TMEM218: variants seen among roughly 807,000 people sequenced by gnomAD.
The protein encoded by TMEM218 is transmembrane protein 218.
TMEM218 carries 8 observed loss-of-function variants against 10.0 expected under a neutral mutation model. The ratio of observed to expected loss-of-function variants is 0.80; its 90% confidence interval spans 0.47 to 1.44. The LOEUF (loss-of-function observed/expected upper bound fraction) is 1.44. TMEM218 is among the 40% of genes most tolerant of loss of function. The pLI is 0.00. For missense variants in TMEM218, 110 were observed against 140.1 expected (o/e 0.79, Z 1.08); for synonymous variants, 66 against 63.5 (o/e 1.04, Z -0.18).
Position 125,095,876 on chromosome 11 carries a change from A to G in TMEM218, c.*1730T>C, listed in dbSNP as rs536809523. On this transcript the variant is annotated 3_prime_UTR_variant, in exon 5 of 5. Coordinates refer to ENST00000682305, the MANE Select transcript of TMEM218 (RefSeq NM_001258244.2). ...GTCAGGAACCTATAAGAGTTTTCCC[A>G]GAGTTACTTTTTTAGCAAGGCTCTC... Among the ~76,000 whole-genome samples, 9 of 152,288 alleles carry G rather than the reference A, an allele frequency of 5.9e-5. No homozygotes were observed. Among genetic ancestry groups the G allele is most frequent in the Admixed American group, 2.6e-4 (4 of 15,300 alleles).
rs1018719353 is a variant in TMEM218 at position 125,095,190 on chromosome 11, A to G, written c.*2416T>C. On this transcript the variant is annotated 3_prime_UTR_variant, in exon 5 of 5. Transcript: ENST00000682305. ...AAATAACCTATTTTCTTATATAGAA[A>G]CCCAGATTTACTCTCCCTCTCCACC... Among the ~76,000 whole-genome samples the G allele has an allele frequency of 6.6e-6, 1 of 152,108 alleles. No homozygotes were observed.
chr11:125,104,485 C>T (rs143942811), intron 1 of TMEM218: 2 of 152,380 alleles, frequency 1.3e-5, no homozygotes, highest in East Asian at 3.9e-4. Context: ...CAAACACTGA[C>T]TCTCCATCAC....
chr11:125,097,470 G>T lies in TMEM218; in HGVS notation c.*136C>A. 1.0e-6 allele frequency: 1 copy of T among 955,416 alleles called. No individual in the cohort carries two copies. Among genetic ancestry groups the T allele is most frequent in the Non-Finnish European group, 1.5e-6 (1 of 670,722 alleles). 59.2% of individuals were successfully genotyped at this position (955,416 alleles called of 1,614,324 possible). A position where few individuals can be genotyped will look rare whatever the true frequency, so the allele number is the denominator to read the frequency against. On this transcript the variant is annotated 3_prime_UTR_variant, in exon 5 of 5. Coordinates refer to ENST00000682305, the MANE Select transcript of TMEM218 (RefSeq NM_001258244.2). The stretch of plus-strand genomic sequence containing the variant: ...CTGGAAGCCAGGACTCCAGAGATTT[G>T]TCTTAGTGATGGACAGATACTCCTC...
In TMEM218 at chr11:125,097,735, C is replaced by T. The variant is rs1481793415; in HGVS notation, c.219G>A (p.Val73=). 3.7e-6 allele frequency: 6 copies of T among 1,613,276 alleles called. No homozygotes were observed. Among genetic ancestry groups the T allele is most frequent in the African/African-American group, 2.7e-5 (2 of 74,846 alleles). Reference sequence around the variant, plus strand: ...CATAGCGGCCAATGAAAAAGTCATCCACAATCTGGAGAAAGAAAACATCAA... The same window carrying T: ...CATAGCGGCCAATGAAAAAGTCATCTACAATCTGGAGAAAGAAAACATCAA... The part of the protein sequence containing the change: ...FPAPEVEVKI[V]DDFFIGRYVL... The change falls in exon 5 of 5, where the codon GTG becomes GTA. Residue 73 remains valine (V), a synonymous_variant. Coordinates refer to ENST00000682305, the MANE Select transcript of TMEM218 (RefSeq NM_001258244.2).
intron 3 of TMEM218, chr11:125,101,597 C>A: frequency 2.2e-6 from 2 of 895,164 alleles, no homozygotes; most frequent in Non-Finnish European, 3.3e-6. Context: ...AGCATCCCCT[C>A]TCCACCTCCA....
rs922313855 is a variant in TMEM218, at chr11:125,102,165, C to T, written c.77G>A (p.Cys26Tyr). The T allele has an allele frequency of 6.2e-7, 1 of 1,606,986 alleles. No individual in the cohort carries two copies. Among genetic ancestry groups the T allele is most frequent in the Non-Finnish European group, 8.5e-7 (1 of 1,177,074 alleles). Residue 26 changes from cysteine to tyrosine, a missense_variant, in exon 3 of 5, where the codon TGT becomes TAT. Physicochemically the swap from Cys to Tyr is radical, Grantham distance 194. Coordinates refer to ENST00000682305, the MANE Select transcript of TMEM218 (RefSeq NM_001258244.2). ...CCCGGAGGCTCTGGACAGCAGCACACACAGCAGCAGCACTGCCACCCAGAG... is the reference window on the plus strand; with the variant it reads ...CCCGGAGGCTCTGGACAGCAGCACATACAGCAGCAGCACTGCCACCCAGAG... ...ALLWVAVLLL[C>Y]VLLSRASGAA...
rs996619179 is a variant in TMEM218 at position 125,111,582 on chromosome 11, C to T, written c.-196G>A. On this transcript the variant is annotated 5_prime_UTR_variant, in exon 1 of 5. Transcript: ENST00000682305. ...GATCCACTCTCCCCCAGGCTCTACTCACACCTCAGATTCCGGCGCGTTCCA... is the reference window on the plus strand; with the variant it reads ...GATCCACTCTCCCCCAGGCTCTACTTACACCTCAGATTCCGGCGCGTTCCA... 1 of 152,730 alleles carries T rather than the reference C, an allele frequency of 6.5e-6. No homozygotes were observed. The highest frequency in any genetic ancestry group is 2.4e-5 in the African/African-American group (1 of 41,600). 9.5% of individuals were successfully genotyped at this position (152,730 alleles called of 1,614,324 possible). A position where few individuals can be genotyped will look rare whatever the true frequency, so the allele number is the denominator to read the frequency against.
intron 1 of TMEM218, among the ~76,000 whole-genome samples, chr11:125,107,740 A>G (rs1461687510): frequency 2.0e-5 from 3 of 151,194 alleles, no homozygotes; most frequent in South Asian, 2.1e-4. Flanking sequence ...TTGCTAGCCT[A>G]TTTTCTATAT....
intron 1 of TMEM218, 103 bp from the exon 2 acceptor site, chr11:125,102,912 G>A: frequency 2.9e-6 from 1 of 341,780 alleles, no homozygotes; most frequent in South Asian, 2.6e-5. Context: ...TTCTGAGAAA[G>A]GTATTACTAT....
At chr11:125,105,766 G>GAA (rs35785629) in intron 1 of TMEM218, among the ~76,000 whole-genome samples, 1 of 150,456 alleles carries the variant, frequency 6.6e-6, no homozygotes, top group Non-Finnish European at 1.5e-5. Context: ...CTAGTAAAGT[G>GAA]AAAAAAAAAT....
chr11:125,096,070 T>A lies in TMEM218; in HGVS notation c.*1536A>T, dbSNP rs959280625. ...GCTTAGAGGATGTTTCTTCTTTTCT[T>A]ACCTGTGTGCCCTAGGCCAGATTAG... On this transcript the variant is annotated 3_prime_UTR_variant, in exon 5 of 5. Coordinates refer to ENST00000682305, the MANE Select transcript of TMEM218 (RefSeq NM_001258244.2). 5.3e-5 allele frequency among the ~76,000 whole-genome samples: 8 copies of A among 152,194 alleles called. No homozygotes were observed. The highest frequency in any genetic ancestry group is 1.9e-4 in the African/African-American group (8 of 41,438).
In TMEM218 at chr11:125,094,451, G is replaced by A. The variant is rs1286917026; in HGVS notation, c.*3155C>T. Among the ~76,000 whole-genome samples, 1 of 152,116 alleles carries A rather than the reference G, an allele frequency of 6.6e-6. No individual in the cohort carries two copies. The highest frequency in any genetic ancestry group is 1.5e-5 in the Non-Finnish European group (1 of 68,014). The stretch of plus-strand genomic sequence containing the variant: ...TGGATATGTGTTAAGAAAATGTCAG[G>A]TACAAACAGCTAAGAAACAGTATTA... On this transcript the variant is annotated 3_prime_UTR_variant, in exon 5 of 5. Transcript: ENST00000682305.
Position 125,095,673 on chromosome 11 carries a change from T to C in TMEM218, c.*1933A>G, listed in dbSNP as rs996821043. On this transcript the variant is annotated 3_prime_UTR_variant, in exon 5 of 5. Transcript: ENST00000682305. ...AAGCCAATCTTTAACATATATGCCT[T>C]TCATTTACATCAGGCAAAAAAACAA... is the stretch of plus-strand genomic sequence containing the variant. 2.0e-5 allele frequency among the ~76,000 whole-genome samples: 3 copies of C among 152,084 alleles called. No individual in the cohort carries two copies. Among genetic ancestry groups the C allele is most frequent in the African/African-American group, 7.2e-5 (3 of 41,404 alleles).
In TMEM218 at chr11:125,102,782, T is replaced by C; in HGVS notation, c.-125A>G. ...AAGTTCCCACTCTGTTGTCGAGTTC[T>C]TATTCAAGAGGATGAAAACTCCCAG... On this transcript the variant is annotated 5_prime_UTR_variant, in exon 2 of 5. Coordinates refer to ENST00000682305, the MANE Select transcript of TMEM218 (RefSeq NM_001258244.2). The C allele has an allele frequency of 8.4e-7, 1 of 1,197,540 alleles. No homozygotes were observed. The highest frequency in any genetic ancestry group is 1.1e-6 in the Non-Finnish European group (1 of 916,884). The allele number at this position is 1,197,540 out of a possible 1,614,324, so 74.2% of individuals were successfully genotyped here.
chr11:125,101,948 T>G, intron 3 of TMEM218, 184 bp downstream of exon 3: 1 of 692,230 alleles, frequency 1.4e-6, no homozygotes, highest in East Asian at 3.2e-5. Flanking sequence ...TTCCTTCTCC[T>G]CCCATCTCTG....
chr11:125,108,373 C>T lies in TMEM218; in HGVS notation c.-153+3166G>A, dbSNP rs778894096. On this transcript the variant is annotated intron_variant, in intron 1 of 4. Coordinates refer to ENST00000682305, the MANE Select transcript of TMEM218 (RefSeq NM_001258244.2). The surrounding 1 kb of genome is among the most constrained non-coding windows in gnomAD (Gnocchi z 5.3). Reference sequence around the variant, plus strand: ...ATTCTCCAATAGGAAAAGAATAAAACTAGATCTCTATATGATATACAGAAG... The same window carrying T: ...ATTCTCCAATAGGAAAAGAATAAAATTAGATCTCTATATGATATACAGAAG... Among the ~76,000 whole-genome samples the T allele has an allele frequency of 5.1e-4, 78 of 152,250 alleles. No homozygotes were observed. Among genetic ancestry groups the T allele is most frequent in the Non-Finnish European group, 8.5e-4 (58 of 68,002 alleles).
At chr11:125,101,907 T>C (rs892422877) in intron 3 of TMEM218, 3 of 546,724 alleles carry the variant, frequency 5.5e-6, no homozygotes, top group African/African-American at 3.9e-5. Context: ...AAGCAGAGTT[T>C]CTTGCCACAG....
At position 125,101,236 on chromosome 11, in the gene TMEM218, C is replaced by G. The variant is rs1216668005; in HGVS notation, c.178G>C (p.Ala60Pro). The G allele has an allele frequency of 1.6e-5, 26 of 1,613,692 alleles. No homozygotes were observed. The highest frequency in any genetic ancestry group is 2.0e-5 in the Non-Finnish European group (24 of 1,179,804). Reference sequence around the variant, plus strand: ...ACTTCTGGGGCTGGGAATTCACCAGCTCGCGGGAAAAGCAACAGAACTGAT... The same window carrying G: ...ACTTCTGGGGCTGGGAATTCACCAGGTCGCGGGAAAAGCAACAGAACTGAT... ...ITSVLLLFPR[A>P]GEFPAPEVEV... is the part of the protein sequence containing the mutation. The change falls in exon 4 of 5, where the codon GCT (alanine) becomes CCT (proline). Residue 60 changes from alanine (A) to proline (P), a missense_variant. Physicochemically the swap from Ala to Pro is conservative, Grantham distance 27. Coordinates refer to ENST00000682305, the MANE Select transcript of TMEM218 (RefSeq NM_001258244.2).
intron 1 of TMEM218, among the ~76,000 whole-genome samples, chr11:125,107,879 C>T (rs1393659330): frequency 8.8e-6 from 1 of 113,082 alleles, no homozygotes; most frequent in Non-Finnish European, 1.8e-5. Flanking sequence ...AAAACTTTAT[C>T]AAAGACAAAA....
Sources: gnomAD v4.1 joint callset for allele counts (sites outside exome capture counted in the v4.1 genomes callset) on GRCh38, gnomAD v4.1.1 for gene constraint, Gnocchi (gnomAD v3.1) non-coding constraint, MANE v1.5 for transcripts, NCBI Gene and HGNC (gene_info 2026-07-23, HGNC 2026-07-21) for gene names.